The following AKAP19 variants were observed in gnomAD, a reference collection of about 807,000 sequenced individuals.
AKAP19 encodes the protein small A-kinase anchoring protein.
the AKAP19 span, among the ~76,000 whole-genome samples, chr2:190,090,293 C>T: frequency 2.6e-5 from 4 of 152,150 alleles, no homozygotes; most frequent in Admixed American, 1.3e-4. Context: ...GGCCTGGTGA[C>T]AAACACAGTG....
the AKAP19 span, among the ~76,000 whole-genome samples, chr2:190,083,892 T>C: frequency 6.6e-6 from 1 of 152,152 alleles, no homozygotes; most frequent in African/African-American, 2.4e-5. Context: ...TTAAGTACCT[T>C]GCTTGTTGAA....
At chr2:190,164,827 T>C in the AKAP19 span, among the ~76,000 whole-genome samples, 1 of 152,188 alleles carries the variant, frequency 6.6e-6, no homozygotes, top group Admixed American at 6.5e-5. Context: ...GAGTGCACAA[T>C]ATTTGCCAGA....
At chr2:190,149,768 C>A in the AKAP19 span, among the ~76,000 whole-genome samples, 1 of 152,148 alleles carries the variant, frequency 6.6e-6, no homozygotes, top group Non-Finnish European at 1.5e-5. Context: ...GTTCCATGCA[C>A]TGTTGAATAG....
At chr2:190,068,153 CGATT>C in the AKAP19 span, among the ~76,000 whole-genome samples, 1 of 152,136 alleles carries the variant, frequency 6.6e-6, no homozygotes, top group Non-Finnish European at 1.5e-5. Context: ...GTCCCCTCCT[CGATT>C]ATTACAATTC....
At chr2:189,959,386 A>G in the AKAP19 span, among the ~76,000 whole-genome samples, 2 of 152,176 alleles carry the variant, frequency 1.3e-5, no homozygotes, top group African/African-American at 4.8e-5. Context: ...AAATATTCCA[A>G]ATAATTAGAC....
At chr2:189,944,568 C>T in the AKAP19 span, among the ~76,000 whole-genome samples, 2 of 152,040 alleles carry the variant, frequency 1.3e-5, no homozygotes, top group Non-Finnish European at 1.5e-5. Context: ...AATATATATG[C>T]ACCCAACACC....
the AKAP19 span, among the ~76,000 whole-genome samples, chr2:190,008,889 G>T: frequency 6.6e-6 from 1 of 152,122 alleles, no homozygotes; most frequent in African/African-American, 2.4e-5. Flanking sequence ...GCTTGTAAAA[G>T]AAGTGATATA....
the AKAP19 span, among the ~76,000 whole-genome samples, chr2:190,111,898 T>TTTTG: frequency 1.7e-4 from 26 of 152,308 alleles, no homozygotes; most frequent in Non-Finnish European, 3.1e-4. Context: ...TGTTTTGTTT[T>TTTTG]TTTGTTTGTT....
the AKAP19 span, among the ~76,000 whole-genome samples, chr2:190,088,413 C>T: frequency 6.6e-6 from 1 of 152,132 alleles, no homozygotes; most frequent in Non-Finnish European, 1.5e-5. Flanking sequence ...CCATCGTTTC[C>T]TTTTTGTCCC....
the AKAP19 span, among the ~76,000 whole-genome samples, chr2:190,134,861 G>A: frequency 7.2e-5 from 11 of 152,004 alleles, no homozygotes; most frequent in African/African-American, 2.4e-4. Flanking sequence ...ACTATGAACA[G>A]TGATAAGTAT....
At chr2:189,966,284 A>G in the AKAP19 span, among the ~76,000 whole-genome samples, 4 of 152,150 alleles carry the variant, frequency 2.6e-5, no homozygotes, top group African/African-American at 7.2e-5. Context: ...ACAAATCACT[A>G]AATAACCTAC....
At chr2:190,078,557 T>A in the AKAP19 span, among the ~76,000 whole-genome samples, 1 of 152,194 alleles carries the variant, frequency 6.6e-6, no homozygotes, top group Non-Finnish European at 1.5e-5. Context: ...ATATTTCTGA[T>A]AAGCCTCTGA....
chr2:190,200,248 T>G, the AKAP19 span: 9 of 941,058 alleles, frequency 9.6e-6, no homozygotes, highest in Non-Finnish European at 1.5e-5. Context: ...CTATCTGGAT[T>G]TAAAAATGTG....
the AKAP19 span, chr2:190,200,150 G>A: frequency 1.2e-6 from 2 of 1,612,344 alleles, no homozygotes; most frequent in Non-Finnish European, 1.7e-6. Flanking sequence ...GGGCCTTGAG[G>A]CTGTAGGATG....
the AKAP19 span, among the ~76,000 whole-genome samples, chr2:190,071,451 C>T: frequency 6.6e-6 from 1 of 152,078 alleles, no homozygotes; most frequent in Admixed American, 6.5e-5. Flanking sequence ...TAATATAGTA[C>T]AGTAACATGC....
At chr2:189,928,744 C>A in the AKAP19 span, among the ~76,000 whole-genome samples, 1 of 152,016 alleles carries the variant, frequency 6.6e-6, no homozygotes, top group Non-Finnish European at 1.5e-5. Context: ...CTCTATATTG[C>A]AATTATGAAG....
the AKAP19 span, among the ~76,000 whole-genome samples, chr2:190,063,595 T>C: frequency 6.6e-6 from 1 of 152,074 alleles, no homozygotes. Context: ...ATCCAGAGAG[T>C]AAAAAGTGCA....
At chr2:190,172,104 A>G in the AKAP19 span, among the ~76,000 whole-genome samples, 1 of 152,096 alleles carries the variant, frequency 6.6e-6, no homozygotes, top group Non-Finnish European at 1.5e-5. Context: ...TCCCATCCAT[A>G]TGTATTCTAT....
the AKAP19 span, among the ~76,000 whole-genome samples, chr2:190,024,380 G>A: frequency 9.6e-5 from 14 of 146,016 alleles, no homozygotes; most frequent in Admixed American, 6.9e-5. Context: ...ATATGTGTGT[G>A]TATATATATA....
Sources: allele counts gnomAD v4.1 joint callset (sites outside exome capture counted in the v4.1 genomes callset), GRCh38; gene constraint gnomAD v4.1.1; transcripts MANE v1.5; gene names NCBI Gene and HGNC (gene_info 2026-07-23, HGNC 2026-07-21).